Variants in TLN2 observed in about 807,000 individuals in gnomAD.
TLN2 encodes the protein talin 2, also known as talin-2.
Under a neutral mutation model 294.7 loss-of-function variants are expected in TLN2, and 118 were observed. The ratio of observed to expected loss-of-function variants is 0.40; its 90% CI spans 0.34 to 0.47. The LOEUF (loss-of-function observed/expected upper bound fraction) is 0.47. Ranked by LOEUF, TLN2 falls within the 20% of genes least tolerant of loss-of-function variation. The pLI, the probability that TLN2 is intolerant of heterozygous loss-of-function variation, is 0.84. For synonymous variants in TLN2, 1,431 were observed against 1,304.5 expected (o/e 1.10, Z -2.09); for missense variants, 3,083 against 3,282.2 (o/e 0.94, Z 1.48).
intron 3 of TLN2, among the ~76,000 whole-genome samples, chr15:62,634,453 G>T (rs778659464): frequency 6.6e-6 from 1 of 152,136 alleles, no homozygotes; most frequent in Non-Finnish European, 1.5e-5. Context: ...TACAACAAAC[G>T]TGACAGTATC....
intron 57 of TLN2, among the ~76,000 whole-genome samples, chr15:62,837,717 G>C (rs2069908738): frequency 6.6e-6 from 1 of 152,184 alleles, no homozygotes; most frequent in South Asian, 2.1e-4. Flanking sequence ...CATCAGAAAA[G>C]TGGGCTAAAG....
intron 50 of TLN2, 21 bp from the exon 51 acceptor site, chr15:62,805,579 C>T (rs767178400): frequency 3.7e-5 from 58 of 1,561,268 alleles, no homozygotes; most frequent in Non-Finnish European, 5.0e-5. Flanking sequence ...TTTTTTTAAC[C>T]TCTCTGTTTC....
At chr15:62,445,705 C>T (rs942462881) in intron 1 of TLN2, among the ~76,000 whole-genome samples, 5 of 151,740 alleles carry the variant, frequency 3.3e-5, no homozygotes, top group East Asian at 1.9e-4. Flanking sequence ...GCTCTGTCAC[C>T]GAGGATGGAG....
At chr15:62,819,361 G>A (rs957166039) in intron 52 of TLN2, among the ~76,000 whole-genome samples, 155 bp from the exon 53 acceptor site, 4 of 152,124 alleles carry the variant, frequency 2.6e-5, no homozygotes, top group East Asian at 3.9e-4. Flanking sequence ...CCAGTGAGTC[G>A]TAAGGGTTTT....
At chr15:62,526,160 C>T (rs563781555) in intron 1 of TLN2, among the ~76,000 whole-genome samples, 3 of 152,214 alleles carry the variant, frequency 2.0e-5, no homozygotes, top group South Asian at 4.2e-4. Context: ...GACGGAGGCT[C>T]TCTCTGTCAC....
At chr15:62,630,981 CT>C (rs1400753559) in intron 3 of TLN2, among the ~76,000 whole-genome samples, 1 of 152,066 alleles carries the variant, frequency 6.6e-6, no homozygotes, top group African/African-American at 2.4e-5. Context: ...GAAAAGAAAA[CT>C]TAAAAGATTT....
chr15:62,831,775 G>C (rs986993721), intron 54 of TLN2: 9 of 152,234 alleles, frequency 5.9e-5, no homozygotes, highest in Admixed American at 1.3e-4. Flanking sequence ...TTTTGATAAT[G>C]TAGGTTATAA....
chr15:62,725,089 A>T lies in TLN2; in HGVS notation c.3240A>T (p.Pro1080=). 1 of 1,612,258 alleles carries T rather than the reference A, an allele frequency of 6.2e-7. No individual in the cohort carries two copies. The highest frequency in any genetic ancestry group is 8.5e-7 in the Non-Finnish European group (1 of 1,179,174). Residue 1080 remains proline (P), a synonymous_variant, in exon 27 of 59, where the codon CCA becomes CCT. Transcript: ENST00000636159. ...CAGCCGTGGAGAGCCAGCTGAAGCC[A>T]CTTCCAGGGGAAACGGTGAGCTGTT... is the stretch of plus-strand genomic sequence containing the variant. ...KMAAVESQLK[P]LPGETLEKCA...
chr15:62,723,412 T>C (rs1017359907), intron 26 of TLN2, among the ~76,000 whole-genome samples: 1 of 152,160 alleles, frequency 6.6e-6, no homozygotes, highest in African/African-American at 2.4e-5. Flanking sequence ...ATCTGCATTT[T>C]CACAAGCTTC....
intron 1 of TLN2, among the ~76,000 whole-genome samples, chr15:62,398,208 C>G (rs536592491): frequency 6.6e-6 from 1 of 152,082 alleles, no homozygotes; most frequent in East Asian, 1.9e-4. Flanking sequence ...TGAGATCTCA[C>G]GAGATCTGAT....
At chr15:62,814,246 C>T (rs534694660) in intron 52 of TLN2, among the ~76,000 whole-genome samples, 22 of 152,274 alleles carry the variant, frequency 1.4e-4, no homozygotes, top group African/African-American at 4.3e-4. Context: ...CAGAAATATT[C>T]GCTGAAAGAA....
chr15:62,616,190 G>T (rs2048304198), intron 2 of TLN2, among the ~76,000 whole-genome samples: 1 of 152,000 alleles, frequency 6.6e-6, no homozygotes, highest in Non-Finnish European at 1.5e-5. Context: ...AAACCTCTTT[G>T]TGAGTTCGTC....
intron 10 of TLN2, among the ~76,000 whole-genome samples, 180 bp downstream of exon 10, chr15:62,674,070 A>G (rs114684066): frequency 0.014 from 2,079 of 152,296 alleles, 47 homozygotes; most frequent in South Asian, 0.061. Context: ...TATTATCTTA[A>G]TCCATATTTT....
Position 62,840,920 on chromosome 15 carries a change from A to C in TLN2, c.*310A>C. Reference sequence around the variant, plus strand: ...GAAAAGTCAGTATTATGTTGTTCTCAGACACTTTGGCTTTTGTTGGTCCTT... The same window carrying C: ...GAAAAGTCAGTATTATGTTGTTCTCCGACACTTTGGCTTTTGTTGGTCCTT... On this transcript the variant is annotated 3_prime_UTR_variant, in exon 59 of 59. Transcript: ENST00000636159. The C allele has an allele frequency of 8.4e-6, 2 of 237,024 alleles. No individual in the cohort carries two copies. Among genetic ancestry groups the C allele is most frequent in the East Asian group, 8.5e-5 (1 of 11,740 alleles). 14.7% of individuals were successfully genotyped at this position (237,024 alleles called of 1,614,324 possible).
In TLN2 at chr15:62,671,944, A is replaced by T. The variant is rs539208022; in HGVS notation, c.789-1883A>T. Among the ~76,000 whole-genome samples the T allele has an allele frequency of 1.2e-4, 19 of 152,290 alleles. No individual in the cohort carries two copies. The South Asian group carries it at 3.3e-3, about 27-fold the overall frequency. On this transcript the variant is annotated intron_variant, in intron 9 of 58. Coordinates refer to ENST00000636159, the MANE Select transcript of TLN2 (RefSeq NM_015059.3). ...TTACTTATTCTTTATTGCCAAGAATACTTCCTAGGTGGTGCTGTATACTTC... is the reference window on the plus strand; with the variant it reads ...TTACTTATTCTTTATTGCCAAGAATTCTTCCTAGGTGGTGCTGTATACTTC...
intron 19 of TLN2, among the ~76,000 whole-genome samples, chr15:62,706,059 A>T (rs1479081728): frequency 1.3e-5 from 2 of 152,246 alleles, no homozygotes; most frequent in African/African-American, 4.8e-5. Context: ...CACTGTAAAG[A>T]CGCTGTGGGT....
At chr15:62,719,146 AAAGGCTCATCTCCC>A (rs1411021901) in intron 24 of TLN2, among the ~76,000 whole-genome samples, 1 of 152,120 alleles carries the variant, frequency 6.6e-6, no homozygotes, top group Admixed American at 6.5e-5. Flanking sequence ...AGAGAAAGTA[AAAGGCTCATCTCCC>A]AAGGCACACT....
intron 1 of TLN2, among the ~76,000 whole-genome samples, chr15:62,523,077 A>G (rs549731767): frequency 6.6e-6 from 1 of 152,308 alleles, no homozygotes; most frequent in South Asian, 2.1e-4. Context: ...TATAGTTTAG[A>G]TACAACTCTT....
chr15:62,489,155 C>T (rs940033470), intron 1 of TLN2, among the ~76,000 whole-genome samples: 1 of 152,020 alleles, frequency 6.6e-6, no homozygotes, highest in Non-Finnish European at 1.5e-5. Flanking sequence ...AGCAAGACTC[C>T]GTCTCAAAAG....
Sources: gnomAD v4.1 joint callset for allele counts (sites outside exome capture counted in the v4.1 genomes callset) on GRCh38, gnomAD v4.1.1 for gene constraint, MANE v1.5 for transcripts, NCBI Gene and HGNC (gene_info 2026-07-23, HGNC 2026-07-21) for gene names.